Variants in ANK3 observed in about 807,000 individuals in gnomAD.
The protein encoded by ANK3 is ankyrin 3.
A neutral mutation model predicts 370.9 loss-of-function variants in ANK3; 57 were observed. The ratio of observed to expected loss-of-function variants is 0.15; its 90% CI spans 0.12 to 0.19. The LOEUF (loss-of-function observed/expected upper bound fraction) is 0.19, where lower values mean the gene tolerates loss of function less well. Ranked by LOEUF, ANK3 falls within the 10% of genes least tolerant of loss-of-function variation. ANK3 has a pLI of 1.00. For synonymous variants in ANK3, 1,929 were observed against 1,946.3 expected (o/e 0.99, Z 0.23); for missense variants, 4,439 against 5,302.1 (o/e 0.84, Z 5.06).
intron 8 of ANK3, among the ~76,000 whole-genome samples, chr10:60,221,628 T>C (rs374181281): frequency 3.3e-5 from 5 of 152,198 alleles, no homozygotes; most frequent in African/African-American, 1.2e-4. Flanking sequence ...AGTATAATAT[T>C]GATTTGATAA....
At chr10:60,614,148 T>C (rs913784341) in intron 2 of ANK3, among the ~76,000 whole-genome samples, 3 of 152,036 alleles carry the variant, frequency 2.0e-5, no homozygotes, top group Non-Finnish European at 2.9e-5. Flanking sequence ...TAAAAGACCA[T>C]AGATAGAAAA....
At position 60,070,720 on chromosome 10, in the gene ANK3, G is replaced by A; in HGVS notation, c.10161C>T (p.Asn3387=). 6.2e-7 allele frequency: 1 copy of A among 1,614,180 alleles called. No homozygotes were observed. Among genetic ancestry groups the A allele is most frequent in the East Asian group, 2.2e-5 (1 of 44,876 alleles). ...AACACTCTGTGATGGACTGGTCGTTGTTCCCATTCTGGGCAATTTCATTCT... is the reference window on the plus strand; with the variant it reads ...AACACTCTGTGATGGACTGGTCGTTATTCCCATTCTGGGCAATTTCATTCT... ...SPQNEIAQNG[N]NDQSITECSI... The change falls in exon 37 of 44, where the codon AAC becomes AAT. Residue 3387 remains asparagine, a synonymous_variant. Transcript: ENST00000280772. The surrounding 1 kb of genome is among the most constrained non-coding windows in gnomAD (Gnocchi z 5.7).
chr10:60,275,729 C>G (rs938115802), intron 4 of ANK3, among the ~76,000 whole-genome samples: 10 of 152,094 alleles, frequency 6.6e-5, no homozygotes, highest in Non-Finnish European at 1.5e-4. Flanking sequence ...CCTAAAGGGT[C>G]TTACCTTTGC....
chr10:60,451,576 A>G (rs890901186), intron 2 of ANK3, among the ~76,000 whole-genome samples: 1 of 152,206 alleles, frequency 6.6e-6, no homozygotes. Flanking sequence ...TGTAAGCTTC[A>G]CTTCCTACCC....
At chr10:60,506,183 A>G (rs1030346383) in intron 2 of ANK3, among the ~76,000 whole-genome samples, 1 of 152,148 alleles carries the variant, frequency 6.6e-6, no homozygotes, top group Non-Finnish European at 1.5e-5. Context: ...CTTCCCATCC[A>G]GTTGTATTAT....
chr10:60,068,607 C>A, intron 37 of ANK3, 30 bp downstream of exon 37: 1 of 1,565,198 alleles, frequency 6.4e-7, no homozygotes, highest in South Asian at 1.2e-5. Flanking sequence ...GAGCAGAGTG[C>A]TCGAGAGACC....
intron 2 of ANK3, among the ~76,000 whole-genome samples, chr10:60,493,818 G>A (rs535994819): frequency 1.4e-4 from 21 of 152,202 alleles, no homozygotes; most frequent in Non-Finnish European, 2.6e-4. Flanking sequence ...CACACAGAGA[G>A]TATACAGTAA....
chr10:60,339,308 A>G (rs899838094), intron 1 of ANK3, among the ~76,000 whole-genome samples: 1 of 152,180 alleles, frequency 6.6e-6, no homozygotes. Context: ...GCATCAGCAA[A>G]CCTTAGAATC....
At chr10:60,199,482 C>T (rs115092285) in intron 13 of ANK3, among the ~76,000 whole-genome samples, 1 of 152,252 alleles carries the variant, frequency 6.6e-6, no homozygotes, top group African/African-American at 2.4e-5. Context: ...CATACTGCTA[C>T]TACTGCCACC....
intron 1 of ANK3, among the ~76,000 whole-genome samples, chr10:60,373,612 T>C (rs1350600013): frequency 6.6e-6 from 1 of 151,892 alleles, no homozygotes; most frequent in Non-Finnish European, 1.5e-5. Flanking sequence ...AAATGGGAAA[T>C]GGACTCCTAG....
chr10:60,603,841 C>T (rs2078096664), intron 2 of ANK3, among the ~76,000 whole-genome samples: 1 of 152,048 alleles, frequency 6.6e-6, no homozygotes, highest in Non-Finnish European at 1.5e-5. Flanking sequence ...CCCATCTCTG[C>T]TTGTCTATCT....
chr10:60,064,410 C>T (rs1361318582), intron 38 of ANK3, 122 bp from the exon 39 acceptor site: 12 of 1,018,618 alleles, frequency 1.2e-5, no homozygotes, highest in African/African-American at 1.7e-5. Flanking sequence ...CAAGTACAGC[C>T]TCAGGAATTA....
At chr10:60,598,951 C>T (rs2078024728) in intron 2 of ANK3, among the ~76,000 whole-genome samples, 1 of 152,116 alleles carries the variant, frequency 6.6e-6, no homozygotes, top group Non-Finnish European at 1.5e-5. Flanking sequence ...CATGTTGAGA[C>T]AGGGTCTTGC....
At chr10:60,233,162 G>T (rs1160447940) in intron 8 of ANK3, among the ~76,000 whole-genome samples, 1 of 152,170 alleles carries the variant, frequency 6.6e-6, no homozygotes, top group Admixed American at 6.5e-5. Context: ...ATTTATTTCT[G>T]CCCTACTTTA....
chr10:60,237,133 C>T (rs1043465271), intron 7 of ANK3, among the ~76,000 whole-genome samples: 1 of 152,168 alleles, frequency 6.6e-6, no homozygotes, highest in African/African-American at 2.4e-5. Context: ...ACGCTGTGGT[C>T]TTTTTTGGTG....
chr10:60,461,770 C>T (rs374370358), intron 2 of ANK3, among the ~76,000 whole-genome samples: 19 of 152,258 alleles, frequency 1.2e-4, no homozygotes, highest in East Asian at 5.8e-4. Context: ...TCGAAAATCA[C>T]GCAATCAAAT....
chr10:60,034,338 C>A (rs1192022280), intron 43 of ANK3, among the ~76,000 whole-genome samples: 1 of 152,008 alleles, frequency 6.6e-6, no homozygotes, highest in Non-Finnish European at 1.5e-5. Context: ...GAACTCCTGA[C>A]CGCAGGTGAT....
In ANK3 at chr10:60,329,566, C is replaced by A. The variant is rs534995572; in HGVS notation, c.115-49927G>T. Among the ~76,000 whole-genome samples, 46 of 152,242 alleles carry A rather than the reference C, an allele frequency of 3.0e-4. 1 individual carries two copies. The South Asian group carries it at 9.1e-3, about 30-fold the overall frequency. The stretch of plus-strand genomic sequence containing the variant: ...AAAGAGATTAAAATACCTAGGAATA[C>A]AACTTACAAGGGATATGAAGGACCT... On this transcript the variant is annotated intron_variant, in intron 1 of 43. Transcript: ENST00000280772.
intron 2 of ANK3, among the ~76,000 whole-genome samples, chr10:60,443,214 T>C (rs765872281): frequency 1.3e-5 from 2 of 151,942 alleles, no homozygotes; most frequent in Non-Finnish European, 2.9e-5. Context: ...GTACTATAGG[T>C]GAGGAAAGAG....
Sources: gnomAD v4.1 joint callset for allele counts (sites outside exome capture counted in the v4.1 genomes callset) on GRCh38, gnomAD v4.1.1 for gene constraint, Gnocchi (gnomAD v3.1) non-coding constraint, MANE v1.5 for transcripts, NCBI Gene and HGNC (gene_info 2026-07-23, HGNC 2026-07-21) for gene names.